Variants in MYOM1 observed in about 807,000 individuals in gnomAD.
MYOM1 encodes myomesin 1.
Under a neutral mutation model 205.3 loss-of-function variants are expected in MYOM1, and 164 were observed. That is an observed-to-expected ratio of 0.80 (90% CI 0.70 to 0.91). MYOM1 has a LOEUF of 0.91. MYOM1 is among the 40% of genes least tolerant of loss of function. MYOM1 has a pLI of 0.00. For synonymous variants in MYOM1, 772 were observed against 789.4 expected (o/e 0.98, Z 0.37); for missense variants, 2,011 against 2,127.3 (o/e 0.95, Z 1.08).
the MYOM1 span, among the ~76,000 whole-genome samples, chr18:3,241,652 C>T: frequency 3.9e-5 from 6 of 152,362 alleles, no homozygotes; most frequent in Non-Finnish European, 7.3e-5. Flanking sequence ...TGGGGCCCCA[C>T]TCAGTGGAGC....
At chr18:3,190,267 T>C (rs1440771606) in intron 3 of MYOM1, 1 of 152,242 alleles carries the variant, frequency 6.6e-6, no homozygotes, top group Non-Finnish European at 1.5e-5. Flanking sequence ...AGAGAGTGTA[T>C]TGATTACATC....
chr18:3,084,119 CTGGTT>C, intron 31 of MYOM1, 92 bp from the exon 32 acceptor site: 1 of 1,381,824 alleles, frequency 7.2e-7, no homozygotes, highest in Non-Finnish European at 1.0e-6. Flanking sequence ...AATTCCCTTT[CTGGTT>C]GAAAGGAAAT....
At chr18:3,151,482 TA>T (rs1309524596) in intron 12 of MYOM1, among the ~76,000 whole-genome samples, 4 of 85,390 alleles carry the variant, frequency 4.7e-5, no homozygotes, top group Admixed American at 1.2e-4. Flanking sequence ...ATAAATAAAA[TA>T]AAATAAAATA....
intron 25 of MYOM1, among the ~76,000 whole-genome samples, chr18:3,094,783 T>C (rs937555544): frequency 1.3e-5 from 2 of 151,896 alleles, no homozygotes; most frequent in African/African-American, 4.8e-5. Context: ...CACCTCCGCC[T>C]CCTGAGTAGC....
intron 2 of MYOM1, among the ~76,000 whole-genome samples, chr18:3,214,168 T>C (rs569730523): frequency 8.5e-5 from 13 of 152,320 alleles, no homozygotes; most frequent in East Asian, 5.8e-4. Context: ...CTATTAGATA[T>C]TGAAAAAATA....
intron 16 of MYOM1, among the ~76,000 whole-genome samples, chr18:3,133,505 G>T (rs1038546475): frequency 3.9e-5 from 6 of 152,150 alleles, no homozygotes; most frequent in Non-Finnish European, 8.8e-5. Flanking sequence ...AAATTATTCT[G>T]AATGTCTTTG....
the MYOM1 span, among the ~76,000 whole-genome samples, chr18:3,236,753 T>C: frequency 1.3e-5 from 2 of 152,088 alleles, no homozygotes; most frequent in South Asian, 2.1e-4. Flanking sequence ...GATCGGTGTA[T>C]AAGTGGTATT....
the MYOM1 span, among the ~76,000 whole-genome samples, chr18:3,241,849 C>T: frequency 6.6e-5 from 10 of 152,214 alleles, no homozygotes; most frequent in South Asian, 2.1e-4. Context: ...CTTACATCAG[C>T]GTGACCTGGA....
rs59171311 is a variant in MYOM1, at chr18:3,169,072, C to CAA, written c.1175-93_1175-92dup. The CAA allele has an allele frequency of 3.5e-4, 312 of 896,732 alleles. 10 individuals carry two copies. Among genetic ancestry groups the CAA allele is most frequent in the South Asian group, 1.1e-3 (55 of 51,546 alleles). The allele number at this position is 896,732 out of a possible 1,614,324, so 55.5% of individuals were successfully genotyped here. A position where few individuals can be genotyped will look rare whatever the true frequency, so the allele number is the denominator to read the frequency against. On this transcript the variant is annotated intron_variant, in intron 8 of 37. Transcript: ENST00000356443. ...AAGCACAGGCAGAAAGCAGTCACAG[C>CAA]AAAAAAAAAATGAACAAATGAGCAA... is the stretch of plus-strand genomic sequence containing the variant.
Position 3,209,846 on chromosome 18 carries a change from T to C in MYOM1, c.290+5088A>G, listed in dbSNP as rs1321540209. On this transcript the variant is annotated intron_variant, in intron 2 of 37. Coordinates refer to ENST00000356443, the MANE Select transcript of MYOM1 (RefSeq NM_003803.4). This position sits in a 1 kb window ranked among gnomAD's most constrained non-coding sequence, Gnocchi z 4.0. ...CCTGCTCTGTTTCTTATTGTTTCTATAACATGTATTACCTTCTGGTATAAA... is the reference window on the plus strand; with the variant it reads ...CCTGCTCTGTTTCTTATTGTTTCTACAACATGTATTACCTTCTGGTATAAA... 1.3e-5 allele frequency among the ~76,000 whole-genome samples: 2 copies of C among 152,254 alleles called. No individual in the cohort carries two copies. Among genetic ancestry groups the C allele is most frequent in the African/African-American group, 4.8e-5 (2 of 41,474 alleles).
At chr18:3,207,136 G>T (rs2081133946) in intron 2 of MYOM1, among the ~76,000 whole-genome samples, 4 of 151,942 alleles carry the variant, frequency 2.6e-5, no homozygotes, top group Admixed American at 2.6e-4. Flanking sequence ...TACACAGTTA[G>T]TGTATAGCCA....
intron 9 of MYOM1, among the ~76,000 whole-genome samples, chr18:3,166,486 A>T (rs532919395): frequency 6.6e-6 from 1 of 151,798 alleles, no homozygotes; most frequent in South Asian, 2.1e-4. Flanking sequence ...GGGTTTTACC[A>T]GGTTGGCCAG....
chr18:3,228,763 T>C, the MYOM1 span, among the ~76,000 whole-genome samples: 7 of 152,332 alleles, frequency 4.6e-5, no homozygotes, highest in Admixed American at 3.9e-4. This position sits in a 1 kb window ranked among gnomAD's most constrained non-coding sequence, Gnocchi z 4.5. Flanking sequence ...CAGTTAATCC[T>C]GGGTCCCGCG....
At chr18:3,108,241 G>C (rs1046736335) in intron 22 of MYOM1, among the ~76,000 whole-genome samples, 2 of 152,158 alleles carry the variant, frequency 1.3e-5, no homozygotes, top group African/African-American at 4.8e-5. Context: ...TGCTGCAGTC[G>C]CAGTGGATTG....
the MYOM1 span, among the ~76,000 whole-genome samples, chr18:3,234,778 T>C: frequency 6.6e-6 from 1 of 152,234 alleles, no homozygotes; most frequent in East Asian, 1.9e-4. Context: ...TTACCCTGCA[T>C]GTTCTGCAGC....
chr18:3,110,748 T>C (rs372965735), intron 22 of MYOM1, among the ~76,000 whole-genome samples: 1 of 151,534 alleles, frequency 6.6e-6, no homozygotes, highest in South Asian at 2.1e-4. Context: ...TTCTTTTTTT[T>C]TTTTTTTAGA....
intron 26 of MYOM1, among the ~76,000 whole-genome samples, chr18:3,091,315 T>G (rs1233500993): frequency 7.2e-6 from 1 of 138,350 alleles, no homozygotes; most frequent in African/African-American, 2.7e-5. Context: ...AAACTCTGTC[T>G]AAAAAAAAAA....
intron 19 of MYOM1, among the ~76,000 whole-genome samples, chr18:3,125,165 G>T (rs2079760679): frequency 6.6e-6 from 1 of 152,180 alleles, no homozygotes; most frequent in African/African-American, 2.4e-5. Flanking sequence ...CTCTTCAGAA[G>T]ACAGTATGGA....
chr18:3,226,617 C>T, the MYOM1 span, among the ~76,000 whole-genome samples: 618 of 152,284 alleles, frequency 4.1e-3, 9 homozygotes, highest in African/African-American at 0.014. This position sits in a 1 kb window ranked among gnomAD's most constrained non-coding sequence, Gnocchi z 4.6. Context: ...CATCTCCTTC[C>T]GGGAGACTTC....
Sources: allele counts gnomAD v4.1 joint callset (sites outside exome capture counted in the v4.1 genomes callset), GRCh38; gene constraint gnomAD v4.1.1; non-coding constraint Gnocchi (gnomAD v3.1); transcripts MANE v1.5; gene names NCBI Gene and HGNC (gene_info 2026-07-23, HGNC 2026-07-21).